STARD6: variants seen among roughly 807,000 people sequenced by gnomAD.
STARD6 encodes the protein StAR related lipid transfer domain containing 6.
Under a neutral mutation model 22.3 loss-of-function variants are expected in STARD6, and 21 were observed. The ratio of observed to expected loss-of-function variants is 0.94; its 90% CI spans 0.67 to 1.35. The LOEUF is 1.35. Among genes scored for constraint, STARD6 ranks in the 40% most tolerant of loss-of-function variants. STARD6 has a pLI of 0.00. For synonymous variants in STARD6, 80 were observed against 88.1 expected, an observed-to-expected ratio of 0.91 and a Z score of 0.52; for missense variants, 269 against 266.9, an observed-to-expected ratio of 1.01 and a Z score of -0.05.
intron 7 of STARD6, among the ~76,000 whole-genome samples, chr18:54,328,833 C>T (rs182452904): frequency 1.6e-4 from 25 of 152,258 alleles, no homozygotes; most frequent in Admixed American, 1.5e-3. Flanking sequence ...CCCAAGGCCA[C>T]CTTTAGGCAG....
chr18:54,346,667 C>T (rs1321949774), intron 4 of STARD6, among the ~76,000 whole-genome samples: 2 of 151,968 alleles, frequency 1.3e-5, no homozygotes, highest in African/African-American at 4.8e-5. Flanking sequence ...TATATATTAA[C>T]TGACGAATAG....
At chr18:54,354,221 T>C (rs747672358) in intron 3 of STARD6, 118 bp from the exon 4 acceptor site, 9 of 656,022 alleles carry the variant, frequency 1.4e-5, no homozygotes, top group South Asian at 4.5e-5. Context: ...AAAAAATATA[T>C]ATATATATTT....
chr18:54,346,860 T>A (rs1029558253), intron 4 of STARD6, among the ~76,000 whole-genome samples: 3 of 152,018 alleles, frequency 2.0e-5, no homozygotes, highest in Non-Finnish European at 4.4e-5. Flanking sequence ...TAGGCAAATA[T>A]AAAAGGCAGA....
chr18:54,334,426 G>A (rs2088891641), intron 5 of STARD6, among the ~76,000 whole-genome samples: 1 of 152,142 alleles, frequency 6.6e-6, no homozygotes, highest in Middle Eastern at 3.4e-3. Context: ...CCCACTGAAC[G>A]TAGAGCAAAA....
In STARD6 at chr18:54,336,729, C is replaced by T. The variant is rs571474185; in HGVS notation, c.267+396G>A. On this transcript the variant is annotated intron_variant, in intron 5 of 7. Transcript: ENST00000307844. ...GCTCTGCCATGGTAAAATGTGCTTA[C>T]TTCCCCTTCGCCTTCTGCCATGATT... 2.6e-5 allele frequency among the ~76,000 whole-genome samples: 4 copies of T among 152,290 alleles called. No individual in the cohort carries two copies. In the South Asian group the frequency reaches 8.3e-4, roughly 32 times the overall value.
At chr18:54,330,124 CT>C (rs1336953034) in intron 6 of STARD6, among the ~76,000 whole-genome samples, 3 of 151,766 alleles carry the variant, frequency 2.0e-5, no homozygotes, top group Non-Finnish European at 4.4e-5. Flanking sequence ...TTTGTTTATT[CT>C]GTGCAACTGA....
intron 2 of STARD6, among the ~76,000 whole-genome samples, chr18:54,355,147 A>C (rs2089132671): frequency 6.6e-6 from 1 of 151,968 alleles, no homozygotes; most frequent in Admixed American, 6.6e-5. Flanking sequence ...CTTCTTGTCC[A>C]CTTAGCTCCA....
At chr18:54,326,621 T>G (rs1020294681) in intron 7 of STARD6, among the ~76,000 whole-genome samples, 16 of 151,826 alleles carry the variant, frequency 1.1e-4, no homozygotes, top group Admixed American at 2.6e-4. Context: ...TGTGAGCCAC[T>G]GTGCTTGGCC....
chr18:54,349,718 T>C (rs2089076651), intron 4 of STARD6, among the ~76,000 whole-genome samples: 1 of 152,166 alleles, frequency 6.6e-6, no homozygotes, highest in African/African-American at 2.4e-5. Context: ...TGTGTTCTCA[T>C]AGCTTAGCTT....
intron 1 of STARD6, chr18:54,357,014 A>G (rs537586921): frequency 2.0e-5 from 3 of 152,362 alleles, no homozygotes; most frequent in Non-Finnish European, 4.4e-5. Context: ...ACAAAGGGTA[A>G]AAAGAAGAAA....
intron 4 of STARD6, among the ~76,000 whole-genome samples, chr18:54,340,999 A>G (rs914804443): frequency 5.9e-5 from 9 of 152,214 alleles, no homozygotes; most frequent in Non-Finnish European, 1.2e-4. Flanking sequence ...GAAAATGGAC[A>G]TATCTCGAGG....
intron 5 of STARD6, among the ~76,000 whole-genome samples, 158 bp downstream of exon 5, chr18:54,336,967 T>C (rs1341265761): frequency 1.3e-5 from 2 of 152,220 alleles, no homozygotes; most frequent in Non-Finnish European, 2.9e-5. Flanking sequence ...AATTAAACTG[T>C]TGGAAAGTAG....
intron 2 of STARD6, 67 bp from the exon 3 acceptor site, chr18:54,354,644 T>TA: frequency 9.5e-7 from 1 of 1,057,018 alleles, no homozygotes; most frequent in South Asian, 1.4e-5. Flanking sequence ...AGTGCTATCT[T>TA]ACATTTTAAT....
chr18:54,325,846 A>C (rs887620511), intron 7 of STARD6, among the ~76,000 whole-genome samples: 1 of 152,200 alleles, frequency 6.6e-6, no homozygotes, highest in South Asian at 2.1e-4. Flanking sequence ...CACCTCACCC[A>C]GCCCCATTTA....
intron 5 of STARD6, among the ~76,000 whole-genome samples, chr18:54,334,539 A>G (rs1255392955): frequency 1.3e-5 from 2 of 151,680 alleles, no homozygotes; most frequent in Non-Finnish European, 2.9e-5. Context: ...AACCCCACAG[A>G]CTTTGTTTAT....
chr18:54,338,917 A>T (rs2088942023), intron 4 of STARD6, among the ~76,000 whole-genome samples: 1 of 151,734 alleles, frequency 6.6e-6, no homozygotes, highest in Non-Finnish European at 1.5e-5. Flanking sequence ...GCGTGGTGGC[A>T]TGTGCCTGTC....
At chr18:54,335,340 G>A (rs963987740) in intron 5 of STARD6, among the ~76,000 whole-genome samples, 5 of 151,872 alleles carry the variant, frequency 3.3e-5, no homozygotes, top group South Asian at 2.1e-4. Context: ...GGTCACAGGC[G>A]CATGCAACCA....
intron 6 of STARD6, among the ~76,000 whole-genome samples, chr18:54,330,977 C>T (rs951047606): frequency 6.6e-6 from 1 of 152,000 alleles, no homozygotes; most frequent in Admixed American, 6.6e-5. Flanking sequence ...AGTGCTATGA[C>T]TTAGTCTGAA....
chr18:54,334,116 A>T (rs2088888935), intron 5 of STARD6, among the ~76,000 whole-genome samples: 1 of 152,202 alleles, frequency 6.6e-6, no homozygotes, highest in Non-Finnish European at 1.5e-5. Flanking sequence ...ATCACAATCC[A>T]GTTTTAGAAG....
Sources: allele counts gnomAD v4.1 joint callset (sites outside exome capture counted in the v4.1 genomes callset), GRCh38; gene constraint gnomAD v4.1.1; transcripts MANE v1.5; gene names NCBI Gene and HGNC (gene_info 2026-07-23, HGNC 2026-07-21).